MYH7: variants seen among roughly 807,000 people sequenced by gnomAD.
The protein encoded by MYH7 is myosin-7.
A neutral mutation model predicts 225.4 loss-of-function variants in MYH7; 129 were observed. That is an observed-to-expected ratio of 0.57 (90% confidence interval 0.50 to 0.66). The LOEUF is 0.66. MYH7 is among the 30% of genes least tolerant of loss of function. The pLI is 0.00. For missense variants in MYH7, 1,649 were observed against 2,517.0 expected, an observed-to-expected ratio of 0.66 and a Z score of 7.38; for synonymous variants, 971 against 1,007.6, an observed-to-expected ratio of 0.96 and a Z score of 0.69.
In MYH7 at chr14:23,431,678, C is replaced by T. The variant is rs606231315; in HGVS notation, c.640-1G>A. 1 of 1,614,242 alleles carries T rather than the reference C, an allele frequency of 6.2e-7. No individual in the cohort carries two copies. Among genetic ancestry groups the T allele is most frequent in the South Asian group, 1.1e-5 (1 of 91,088 alleles). Reference sequence around the variant, plus strand: ...GGATGATCTGGTCCTCCAGGGTGCCCTGCAGAGGCCAAGAAGGAGGCAGGT... The same window carrying T: ...GGATGATCTGGTCCTCCAGGGTGCCTTGCAGAGGCCAAGAAGGAGGCAGGT... On this transcript the variant is annotated splice_acceptor_variant, in intron 7 of 39. Coordinates refer to ENST00000355349, the MANE Select transcript of MYH7 (RefSeq NM_000257.4). LOFTEE classifies it high-confidence loss of function.
chr14:23,412,767 T>C lies in MYH7; in HGVS notation c.*87A>G. 6.6e-7 allele frequency: 1 copy of C among 1,515,754 alleles called. No homozygotes were observed. The highest frequency in any genetic ancestry group is 9.2e-7 in the Non-Finnish European group (1 of 1,092,106). 93.9% of individuals were successfully genotyped at this position (1,515,754 alleles called of 1,614,324 possible). A position where few individuals can be genotyped will look rare whatever the true frequency, so the allele number is the denominator to read the frequency against. On this transcript the variant is annotated 3_prime_UTR_variant, in exon 40 of 40. Transcript: ENST00000355349. ...GGCTTCAAGGAAAATTGCTTTATTC[T>C]GCTTCCTCCCAAGGAGCTGTTACAC...
intron 1 of MYH7, among the ~76,000 whole-genome samples, chr14:23,435,229 C>T (rs1207094351): frequency 6.6e-6 from 1 of 152,068 alleles, no homozygotes; most frequent in East Asian, 1.9e-4. Context: ...TCCTTCTCCA[C>T]CATTCTTTCT....
In MYH7 at chr14:23,417,572, C is replaced by T. The variant is rs1892274522; in HGVS notation, c.4284G>A (p.Leu1428=). Residue 1428 remains leucine (L), a synonymous_variant, in exon 31 of 40, where the codon TTG becomes TTA. Transcript: ENST00000355349. ...CATTGGAGCGCTCTACGTCCACCAT[C>T]AAGTCCTCGATCTCATTCTGTAGCC... ...KHRLQNEIED[L]MVDVERSNAA... The T allele has an allele frequency of 6.2e-7, 1 of 1,612,412 alleles. No homozygotes were observed. Among genetic ancestry groups the T allele is most frequent in the Non-Finnish European group, 8.5e-7 (1 of 1,180,046 alleles).
chr14:23,433,283 A>C lies in MYH7; in HGVS notation c.202-56T>G, dbSNP rs1893022666. 6.2e-7 allele frequency: 1 copy of C among 1,612,628 alleles called. No homozygotes were observed. The highest frequency in any genetic ancestry group is 8.5e-7 in the Non-Finnish European group (1 of 1,179,258). Reference sequence around the variant, plus strand: ...CAGCCTGGGCTTTCCCTCCTTCCTCAAGAGGGTTAGGAGTTGGTGAGTGAC... The same window carrying C: ...CAGCCTGGGCTTTCCCTCCTTCCTCCAGAGGGTTAGGAGTTGGTGAGTGAC... On this transcript the variant is annotated intron_variant, in intron 3 of 39. Transcript: ENST00000355349. This position sits in a 1 kb window ranked among gnomAD's most constrained non-coding sequence, Gnocchi z 4.1.
Position 23,433,756 on chromosome 14 carries a change from G to A in MYH7, c.-8-16C>T, listed in dbSNP as rs45484101. On this transcript the variant is annotated splice_polypyrimidine_tract_variant and intron_variant, in intron 2 of 39. Transcript: ENST00000355349. This position sits in a 1 kb window ranked among gnomAD's most constrained non-coding sequence, Gnocchi z 4.1. ...ATGGCTGTGCCTGGAGTGAGCAGAA[G>A]CTGGCTGCCCTCCCATCTGCCCATT... 8.1e-6 allele frequency: 13 copies of A among 1,612,470 alleles called. No homozygotes were observed. Among genetic ancestry groups the A allele is most frequent in the African/African-American group, 1.3e-5 (1 of 74,916 alleles).
In MYH7 at chr14:23,433,829, C is replaced by G; in HGVS notation, c.-8-89G>C. 7.7e-7 allele frequency: 1 copy of G among 1,303,440 alleles called. No individual in the cohort carries two copies. Among genetic ancestry groups the G allele is most frequent in the Non-Finnish European group, 1.1e-6 (1 of 918,296 alleles). 80.7% of individuals were successfully genotyped at this position (1,303,440 alleles called of 1,614,324 possible). A position where few individuals can be genotyped will look rare whatever the true frequency, so the allele number is the denominator to read the frequency against. On this transcript the variant is annotated intron_variant, in intron 2 of 39. Transcript: ENST00000355349. The surrounding 1 kb of genome is among the most constrained non-coding windows in gnomAD (Gnocchi z 4.1). ...TCCCCTTCAGTGGGAGCCCCAAAAC[C>G]TAGCACCATGCTCAAGAGTCAAGAG...
In MYH7 at chr14:23,429,225, C is replaced by A; in HGVS notation, c.1257+4G>T. The A allele has an allele frequency of 6.2e-7, 1 of 1,614,082 alleles. No homozygotes were observed. The highest frequency in any genetic ancestry group is 8.5e-7 in the Non-Finnish European group (1 of 1,179,898). On this transcript the variant is annotated splice_donor_region_variant and intron_variant, in intron 13 of 39. Transcript: ENST00000355349. ...CACCCATTATCATCTGAAGATGGAC[C>A]CACCTGCTGGACATTCTGCCCCTTG... is the stretch of plus-strand genomic sequence containing the variant.
intron 12 of MYH7, 145 bp from the exon 13 acceptor site, chr14:23,429,492 A>G: frequency 1.1e-6 from 1 of 892,586 alleles, no homozygotes; most frequent in Non-Finnish European, 1.8e-6. Flanking sequence ...CCTGGCCAAC[A>G]TGATGAAACC....
intron 9 of MYH7, 43 bp from the exon 10 acceptor site, chr14:23,431,042 G>A (rs750304737): frequency 9.8e-6 from 14 of 1,432,124 alleles, no homozygotes; most frequent in African/African-American, 4.2e-5. Context: ...GAAAAGTTAG[G>A]GTTTGGGCAC....
At chr14:23,421,455 A>T (rs375408369) in intron 25 of MYH7, among the ~76,000 whole-genome samples, 1 of 152,236 alleles carries the variant, frequency 6.6e-6, no homozygotes, top group East Asian at 1.9e-4. Context: ...GAAATTAAAG[A>T]TACCATCCTT....
Position 23,417,554 on chromosome 14 carries a change from G to A in MYH7, c.4302C>T (p.Arg1434=), listed in dbSNP as rs900405502. The A allele has an allele frequency of 2.5e-6, 4 of 1,612,388 alleles. No homozygotes were observed. The highest frequency in any genetic ancestry group is 1.1e-5 in the South Asian group (1 of 91,006). The change falls in exon 31 of 40, where the codon CGC becomes CGT. Residue 1434 remains arginine (R), a synonymous_variant. Transcript: ENST00000355349. ...CCAGGGCTGCAGCAGCAGCATTGGA[G>A]CGCTCTACGTCCACCATCAAGTCCT... ...EIEDLMVDVE[R]SNAAAAALDK... is the part of the protein sequence containing the mutation.
chr14:23,422,065 G>A (rs916124), intron 25 of MYH7, 115 bp downstream of exon 25: 31 of 1,503,190 alleles, frequency 2.1e-5, no homozygotes, highest in Admixed American at 1.0e-4. Context: ...CATGGTTTGC[G>A]CCTCCACTTG....
chr14:23,435,364 C>CCACACACACACA (rs3138591), intron 1 of MYH7, among the ~76,000 whole-genome samples: 5 of 147,550 alleles, frequency 3.4e-5, no homozygotes, highest in African/African-American at 1.0e-4. Context: ...GCAGGCTTGT[C>CCACACACACACA]CACACACACA....
intron 29 of MYH7, among the ~76,000 whole-genome samples, chr14:23,418,837 C>A (rs1207541902): frequency 2.0e-5 from 3 of 152,192 alleles, no homozygotes; most frequent in Non-Finnish European, 1.5e-5. Flanking sequence ...AGTTGAATTT[C>A]TTTCTCCAGT....
At chr14:23,414,556 G>T (rs141159794) in intron 37 of MYH7, among the ~76,000 whole-genome samples, 1 of 152,318 alleles carries the variant, frequency 6.6e-6, no homozygotes, top group East Asian at 1.9e-4. Flanking sequence ...GATTGGAAAA[G>T]AAACAAATTC....
rs938332093 is a variant in MYH7 at position 23,419,069 on chromosome 14, G to T, written c.3972+108C>A. 1.7e-5 allele frequency: 17 copies of T among 1,012,474 alleles called. No individual in the cohort carries two copies. The African/African-American group carries it at 2.5e-4, about 15-fold the overall frequency. The allele number at this position is 1,012,474 out of a possible 1,614,324, so 62.7% of individuals were successfully genotyped here. On this transcript the variant is annotated intron_variant, in intron 29 of 39. Coordinates refer to ENST00000355349, the MANE Select transcript of MYH7 (RefSeq NM_000257.4). The stretch of plus-strand genomic sequence containing the variant: ...GTGATTTCTTTTTAGAATTCTTGGA[G>T]AACTGTTGGTCCACAGCCAGCCTTA...
chr14:23,415,551 T>G lies in MYH7; in HGVS notation c.5158-45A>C, dbSNP rs548862977. ...GGCAGAGCAGGAAAAGCATTGAGCA[T>G]CTATGCATAGCTCTCAAGCCTTGCT... On this transcript the variant is annotated intron_variant, in intron 35 of 39. Coordinates refer to ENST00000355349, the MANE Select transcript of MYH7 (RefSeq NM_000257.4). This position sits in a 1 kb window ranked among gnomAD's most constrained non-coding sequence, Gnocchi z 6.3. 3 of 1,614,042 alleles carry G rather than the reference T, an allele frequency of 1.9e-6. No individual in the cohort carries two copies. In the South Asian group the frequency reaches 3.3e-5, roughly 18 times the overall value.
chr14:23,428,765 TG>T, intron 14 of MYH7, 95 bp from the exon 15 acceptor site: 1 of 1,598,784 alleles, frequency 6.3e-7, no homozygotes, highest in South Asian at 1.1e-5. Context: ...CAGCAGGGCG[TG>T]GCTGGTCCCC....
In MYH7 at chr14:23,414,988, G is replaced by C. The variant is rs758428001; in HGVS notation, c.5559+7C>G. On this transcript the variant is annotated splice_region_variant and intron_variant, in intron 37 of 39. Coordinates refer to ENST00000355349, the MANE Select transcript of MYH7 (RefSeq NM_000257.4). The stretch of plus-strand genomic sequence containing the variant: ...AGGGCTCTGCCTGGAGTCACCGCCC[G>C]TCGCACCTGGTAGGTGAGCTCCTTG... 1 of 1,605,648 alleles carries C rather than the reference G, an allele frequency of 6.2e-7. No individual in the cohort carries two copies. Among genetic ancestry groups the C allele is most frequent in the South Asian group, 1.1e-5 (1 of 91,084 alleles).
Sources: gnomAD v4.1 joint callset for allele counts (sites outside exome capture counted in the v4.1 genomes callset) on GRCh38, gnomAD v4.1.1 for gene constraint, Gnocchi (gnomAD v3.1) non-coding constraint, MANE v1.5 for transcripts, NCBI Gene and HGNC (gene_info 2026-07-23, HGNC 2026-07-21) for gene names.